Variants in PLET1 observed in about 807,000 individuals in gnomAD.
PLET1 encodes placenta-expressed transcript 1 protein.
A neutral mutation model predicts 18.5 loss-of-function variants in PLET1; 20 were observed. That is an observed-to-expected ratio of 1.08 (90% CI 0.76 to 1.57). The LOEUF (loss-of-function observed/expected upper bound fraction) is 1.57, where lower values mean the gene tolerates loss of function less well. Among genes scored for constraint, PLET1 ranks in the 40% most tolerant of loss-of-function variants. The pLI, the probability that PLET1 is intolerant of heterozygous loss-of-function variation, is 0.00. For synonymous variants in PLET1, 93 were observed against 93.8 expected, an observed-to-expected ratio of 0.99 and a Z score of 0.05; for missense variants, 256 against 246.4, an observed-to-expected ratio of 1.04 and a Z score of -0.26.
intron 1 of PLET1, 66 bp from the exon 2 acceptor site, chr11:112,255,655 G>C: frequency 7.3e-7 from 1 of 1,377,798 alleles, no homozygotes; most frequent in Non-Finnish European, 1.0e-6. Flanking sequence ...GAGGGATGAG[G>C]GCAGTGAAAT....
intron 1 of PLET1, among the ~76,000 whole-genome samples, chr11:112,258,233 C>T (rs1465849056): frequency 6.6e-6 from 1 of 151,808 alleles, no homozygotes; most frequent in Admixed American, 6.6e-5. Flanking sequence ...CAGAAGGCTC[C>T]CATGTTTCCC....
intron 2 of PLET1, 134 bp downstream of exon 2, chr11:112,255,254 G>T: frequency 1.2e-6 from 1 of 869,090 alleles, no homozygotes; most frequent in Non-Finnish European, 1.8e-6. Context: ...ACTGTGAGAC[G>T]GTAATGAAGT....
At chr11:112,250,407 A>G (rs1860143316) in intron 3 of PLET1, among the ~76,000 whole-genome samples, 2 of 151,996 alleles carry the variant, frequency 1.3e-5, no homozygotes, top group South Asian at 4.1e-4. Flanking sequence ...AGATACCAAC[A>G]AGGACACACT....
intron 1 of PLET1, among the ~76,000 whole-genome samples, chr11:112,256,032 A>T (rs560036565): frequency 1.3e-5 from 2 of 152,150 alleles, no homozygotes; most frequent in Admixed American, 6.5e-5. Flanking sequence ...GAAGAGGCTG[A>T]TGCACGTGGA....
chr11:112,256,488 A>G (rs1270384443), intron 1 of PLET1, among the ~76,000 whole-genome samples: 1 of 152,154 alleles, frequency 6.6e-6, no homozygotes, highest in Non-Finnish European at 1.5e-5. Context: ...CTTATTGTTC[A>G]TCATTCACTC....
At chr11:112,252,244 G>T in intron 3 of PLET1, 104 bp downstream of exon 3, 1 of 975,092 alleles carries the variant, frequency 1.0e-6, no homozygotes, top group South Asian at 1.4e-5. Context: ...ATAGCTGAGT[G>T]ATGCGTGGTA....
intron 1 of PLET1, among the ~76,000 whole-genome samples, chr11:112,256,608 G>A (rs1019161285): frequency 6.6e-5 from 10 of 152,268 alleles, no homozygotes; most frequent in East Asian, 1.9e-4. Context: ...GAAAGGTCCC[G>A]GAGAATAAAG....
chr11:112,257,676 G>T (rs1348156876), intron 1 of PLET1, among the ~76,000 whole-genome samples: 1 of 152,056 alleles, frequency 6.6e-6, no homozygotes, highest in Admixed American at 6.5e-5. Context: ...TGTATTAAGG[G>T]TTTCTTTCAC....
chr11:112,252,261 C>A lies in PLET1; in HGVS notation c.448+87G>T, dbSNP rs560080097. The A allele has an allele frequency of 1.9e-5, 23 of 1,193,386 alleles. No individual in the cohort carries two copies. In the South Asian group the frequency reaches 2.2e-4, roughly 11 times the overall value. 73.9% of individuals were successfully genotyped at this position (1,193,386 alleles called of 1,614,324 possible). The stretch of plus-strand genomic sequence containing the variant: ...AGCTGAGTGATGCGTGGTAAGAAGA[C>A]CCTCTTTTCTAGGGAACCCACAAGG... On this transcript the variant is annotated intron_variant, in intron 3 of 3. Transcript: ENST00000338832.
chr11:112,249,426 C>T (rs560798370), intron 3 of PLET1, among the ~76,000 whole-genome samples: 16 of 152,262 alleles, frequency 1.1e-4, no homozygotes, highest in African/African-American at 2.9e-4. Context: ...GACCTGAGGA[C>T]GGCCATCCCT....
intron 2 of PLET1, 85 bp from the exon 3 acceptor site, chr11:112,252,494 C>T (rs113490431): frequency 8.5e-5 from 99 of 1,163,252 alleles, no homozygotes; most frequent in South Asian, 3.8e-4. Flanking sequence ...ACTTCCCCGC[C>T]GCTTAATTCC....
intron 3 of PLET1, among the ~76,000 whole-genome samples, chr11:112,250,220 CTTTTTT>C (rs33963716): frequency 8.0e-5 from 4 of 49,860 alleles, no homozygotes; most frequent in East Asian, 7.4e-4. Context: ...AGAAACAAAC[CTTTTTT>C]TTTTTTTTTT....
chr11:112,252,235 T>C (rs2135416627), intron 3 of PLET1, 113 bp downstream of exon 3: 1 of 911,004 alleles, frequency 1.1e-6, no homozygotes, highest in Non-Finnish European at 1.7e-6. Flanking sequence ...AACTGATAGA[T>C]AGCTGAGTGA....
Position 112,248,816 on chromosome 11 carries a change from T to C in PLET1, c.607A>G (p.Ser203Gly), listed in dbSNP as rs1566826010. ...GCTTCCCTTTAGAAGAGAAGTGTGC[T>C]GGTGAGAAAAGCAAGCAGGATATAA... ...AIYILLAFLT[S>G]TLLF The change falls in exon 4 of 4, where the codon AGC becomes GGC. Residue 203 changes from serine (S) to glycine (G), a missense_variant. Coordinates refer to ENST00000338832, the MANE Select transcript of PLET1 (RefSeq NM_001145024.1). 1.9e-6 allele frequency: 3 copies of C among 1,551,538 alleles called. No homozygotes were observed. Among genetic ancestry groups the C allele is most frequent in the Non-Finnish European group, 2.6e-6 (3 of 1,146,952 alleles).
chr11:112,255,855 C>T lies in PLET1; in HGVS notation c.185-266G>A, dbSNP rs879531226. Among the ~76,000 whole-genome samples, 10 of 152,166 alleles carry T rather than the reference C, an allele frequency of 6.6e-5. 1 individual carries two copies. Among genetic ancestry groups the T allele is most frequent in the African/African-American group, 1.7e-4 (7 of 41,420 alleles). On this transcript the variant is annotated intron_variant, in intron 1 of 3. Coordinates refer to ENST00000338832, the MANE Select transcript of PLET1 (RefSeq NM_001145024.1). ...GCTTTTTGGTTGTTTTCCAAATTTT[C>T]TACAGTAAAAGGCAGACAAAAGAAG...
At chr11:112,257,341 G>T (rs911492814) in intron 1 of PLET1, among the ~76,000 whole-genome samples, 3 of 150,060 alleles carry the variant, frequency 2.0e-5, no homozygotes, top group Non-Finnish European at 3.0e-5. Context: ...TCCCACCTCT[G>T]GACCAATTTA....
intron 1 of PLET1, 68 bp downstream of exon 1, chr11:112,260,338 G>A: frequency 7.2e-7 from 1 of 1,382,134 alleles, no homozygotes; most frequent in South Asian, 1.4e-5. Flanking sequence ...ATAGAGGGGT[G>A]TGTTCTGAAA....
At chr11:112,253,022 GA>G (rs1860171737) in intron 2 of PLET1, among the ~76,000 whole-genome samples, 1 of 152,174 alleles carries the variant, frequency 6.6e-6, no homozygotes, top group Admixed American at 6.5e-5. Flanking sequence ...GCCTGGTGCT[GA>G]GGGGGCAGTG....
intron 2 of PLET1, among the ~76,000 whole-genome samples, chr11:112,254,613 T>G (rs571370506): frequency 5.8e-5 from 7 of 120,540 alleles, no homozygotes; most frequent in Non-Finnish European, 1.0e-4. Context: ...CATGTGTGTA[T>G]GGTGTGTGTG....
Sources: gnomAD v4.1 joint callset for allele counts (sites outside exome capture counted in the v4.1 genomes callset) on GRCh38, gnomAD v4.1.1 for gene constraint, MANE v1.5 for transcripts, NCBI Gene and HGNC (gene_info 2026-07-23, HGNC 2026-07-21) for gene names.